SLC10A7: variants seen among roughly 807,000 people sequenced by gnomAD.
The protein encoded by SLC10A7 is sodium/bile acid cotransporter 7.
Under a neutral mutation model 43.2 loss-of-function variants are expected in SLC10A7, and 29 were observed. The ratio of observed to expected loss-of-function variants is 0.67; its 90% CI spans 0.50 to 0.92. SLC10A7 has a LOEUF of 0.92. SLC10A7 is among the 40% of genes least tolerant of loss of function. The probability of loss-of-function intolerance (pLI) is 0.00; values close to 1 mark genes in which losing one functional copy is unlikely to be tolerated. For missense variants in SLC10A7, 295 were observed against 403.2 expected (o/e 0.73, Z 2.30); for synonymous variants, 152 against 144.8 (o/e 1.05, Z -0.35).
At chr4:146,310,802 T>A (rs1199940171) in intron 6 of SLC10A7, among the ~76,000 whole-genome samples, 2 of 152,124 alleles carry the variant, frequency 1.3e-5, no homozygotes, top group Non-Finnish European at 2.9e-5. Context: ...AGACAGAATC[T>A]AAACCCACAA....
At chr4:146,371,361 C>T (rs764215207) in intron 5 of SLC10A7, among the ~76,000 whole-genome samples, 8 of 150,980 alleles carry the variant, frequency 5.3e-5, no homozygotes, top group Non-Finnish European at 1.2e-4. Context: ...TGCTTGTTTG[C>T]TTTCTTCCTT....
intron 5 of SLC10A7, among the ~76,000 whole-genome samples, chr4:146,389,092 G>A (rs1341642606): frequency 2.0e-5 from 3 of 152,112 alleles, no homozygotes; most frequent in African/African-American, 4.8e-5. Flanking sequence ...TCAAAGCTAC[G>A]TGTTCTTACT....
At chr4:146,486,922 C>T (rs997606564) in intron 4 of SLC10A7, among the ~76,000 whole-genome samples, 1 of 152,188 alleles carries the variant, frequency 6.6e-6, no homozygotes, top group Non-Finnish European at 1.5e-5. Context: ...GTCTATAGGG[C>T]ACAGCAAAGC....
chr4:146,262,960 C>G (rs117654147), intron 10 of SLC10A7, among the ~76,000 whole-genome samples: 18 of 152,236 alleles, frequency 1.2e-4, no homozygotes, highest in African/African-American at 4.1e-4. Context: ...CAAGCTTTTG[C>G]TCTTTTTCAC....
intron 4 of SLC10A7, among the ~76,000 whole-genome samples, chr4:146,449,818 G>C (rs914179784): frequency 6.6e-6 from 1 of 151,986 alleles, no homozygotes; most frequent in African/African-American, 2.4e-5. Flanking sequence ...ACGTAGGTTT[G>C]GCCTCACTTG....
chr4:146,298,238 T>C (rs1308384095), intron 7 of SLC10A7, among the ~76,000 whole-genome samples: 1 of 152,368 alleles, frequency 6.6e-6, no homozygotes, highest in Admixed American at 6.5e-5. Flanking sequence ...GGCCTGTCCC[T>C]GGTACATGAT....
At chr4:146,484,275 G>A (rs1734734146) in intron 4 of SLC10A7, among the ~76,000 whole-genome samples, 1 of 152,144 alleles carries the variant, frequency 6.6e-6, no homozygotes, top group South Asian at 2.1e-4. Context: ...GACTACTTGA[G>A]CCCAGGATCT....
chr4:146,255,227 A>T lies in SLC10A7; in HGVS notation c.*1264T>A, dbSNP rs1174564700. 1.3e-5 allele frequency: 2 copies of T among 152,622 alleles called. No homozygotes were observed. The highest frequency in any genetic ancestry group is 4.8e-5 in the African/African-American group (2 of 41,446). The allele number at this position is 152,622 out of a possible 1,614,324, so 9.5% of individuals were successfully genotyped here. On this transcript the variant is annotated 3_prime_UTR_variant, in exon 12 of 12. Coordinates refer to ENST00000335472, the MANE Select transcript of SLC10A7 (RefSeq NM_001029998.6). The stretch of plus-strand genomic sequence containing the variant: ...AGTTCTATACGTGGCTTCATTCTCT[A>T]CTTGGGTCCAGTTACAGTTCTTGCA...
At chr4:146,276,495 T>C (rs953639647) in intron 10 of SLC10A7, among the ~76,000 whole-genome samples, 8 of 152,198 alleles carry the variant, frequency 5.3e-5, no homozygotes, top group African/African-American at 1.9e-4. Context: ...GCTGCTATTA[T>C]TACTATTGAA....
chr4:146,473,307 C>T (rs1386184260), intron 4 of SLC10A7, among the ~76,000 whole-genome samples: 1 of 152,120 alleles, frequency 6.6e-6, no homozygotes, highest in African/African-American at 2.4e-5. Context: ...AAGGCTGACC[C>T]ACTGACATGC....
rs148130596 is a variant in SLC10A7 at position 146,285,677 on chromosome 4, G to C, written c.774-2412C>G. The stretch of plus-strand genomic sequence containing the variant: ...TATATGGAACCAAGAGGAGCATTAA[G>C]GAAACAGAATTAAAGAGGAGGCTCA... On this transcript the variant is annotated intron_variant, in intron 9 of 11. Coordinates refer to ENST00000335472, the MANE Select transcript of SLC10A7 (RefSeq NM_001029998.6). Among the ~76,000 whole-genome samples, 1,246 of 152,316 alleles carry C rather than the reference G, an allele frequency of 8.2e-3. 17 individuals carry two copies. Among genetic ancestry groups the C allele is most frequent in the Non-Finnish European group, 9.8e-3 (668 of 68,034 alleles).
At chr4:146,415,274 G>A (rs779428531) in intron 5 of SLC10A7, among the ~76,000 whole-genome samples, 26 of 152,160 alleles carry the variant, frequency 1.7e-4, no homozygotes, top group Non-Finnish European at 3.7e-4. Context: ...AGAAATAGTG[G>A]GAACTGGATT....
chr4:146,453,397 A>G (rs1212189021), intron 4 of SLC10A7, among the ~76,000 whole-genome samples: 1 of 151,992 alleles, frequency 6.6e-6, no homozygotes, highest in African/African-American at 2.4e-5. Context: ...AAGCAGGACA[A>G]TATGTGCATG....
chr4:146,485,186 G>A (rs1419120684), intron 4 of SLC10A7, among the ~76,000 whole-genome samples: 2 of 152,196 alleles, frequency 1.3e-5, no homozygotes, highest in African/African-American at 4.8e-5. Context: ...GAGTCACACA[G>A]GCGGGAATTA....
intron 4 of SLC10A7, among the ~76,000 whole-genome samples, chr4:146,447,915 A>T (rs1055524927): frequency 5.9e-5 from 9 of 151,530 alleles, no homozygotes; most frequent in African/African-American, 1.9e-4. Context: ...AAACAAAGGT[A>T]AATTTCTTAA....
At chr4:146,504,468 G>A (rs1190734190) in intron 3 of SLC10A7, among the ~76,000 whole-genome samples, 5 of 144,720 alleles carry the variant, frequency 3.5e-5, no homozygotes, top group African/African-American at 1.0e-4. Flanking sequence ...GCAGTGAGCC[G>A]AGATAGCGCC....
chr4:146,488,834 C>A (rs1341123185), intron 4 of SLC10A7, among the ~76,000 whole-genome samples: 3 of 152,178 alleles, frequency 2.0e-5, no homozygotes, highest in Non-Finnish European at 2.9e-5. Context: ...TAACACAGAA[C>A]AAAGTTTACC....
At chr4:146,513,352 G>C (rs974909955) in intron 2 of SLC10A7, among the ~76,000 whole-genome samples, 4 of 151,976 alleles carry the variant, frequency 2.6e-5, no homozygotes, top group African/African-American at 9.7e-5. Flanking sequence ...TCTGCAATAT[G>C]TGTATAAACA....
At chr4:146,484,148 T>C (rs1734725169) in intron 4 of SLC10A7, among the ~76,000 whole-genome samples, 1 of 152,158 alleles carries the variant, frequency 6.6e-6, no homozygotes, top group South Asian at 2.1e-4. Flanking sequence ...GGCCAGGAGC[T>C]TAAGAGCATC....
Sources: allele counts gnomAD v4.1 joint callset (sites outside exome capture counted in the v4.1 genomes callset), GRCh38; gene constraint gnomAD v4.1.1; transcripts MANE v1.5; gene names NCBI Gene and HGNC (gene_info 2026-07-23, HGNC 2026-07-21).